The following PCDH9 variants were observed in gnomAD, a reference collection of about 807,000 sequenced individuals.
PCDH9 encodes protocadherin 9.
A neutral mutation model predicts 70.6 loss-of-function variants in PCDH9; 24 were observed. The ratio of observed to expected loss-of-function variants is 0.34; its 90% CI spans 0.25 to 0.48. The LOEUF (loss-of-function observed/expected upper bound fraction) is 0.48, where lower values mean the gene tolerates loss of function less well. Ranked by LOEUF, PCDH9 falls within the 20% of genes least tolerant of loss-of-function variation. PCDH9 has a pLI of 0.99. For missense variants in PCDH9, 1,281 were observed against 1,503.6 expected (o/e 0.85, Z 2.45); for synonymous variants, 562 against 558.5 (o/e 1.01, Z -0.09).
chr13:66,657,023 G>GC, intron 3 of PCDH9, among the ~76,000 whole-genome samples: 1 of 152,284 alleles, frequency 6.6e-6, no homozygotes, highest in East Asian at 1.9e-4. Flanking sequence ...ACAGAAATGA[G>GC]CTTCCTCAGA....
intron 2 of PCDH9, among the ~76,000 whole-genome samples, chr13:67,189,591 A>C (rs190943463): frequency 6.6e-6 from 1 of 152,180 alleles, no homozygotes. Context: ...TGCCTGATAA[A>C]ATTTCTTTCT....
At chr13:66,872,660 A>G (rs954990632) in intron 3 of PCDH9, among the ~76,000 whole-genome samples, 14 of 152,048 alleles carry the variant, frequency 9.2e-5, no homozygotes, top group Admixed American at 3.9e-4. Context: ...AGTGAGAACA[A>G]TTGAATGCAA....
chr13:67,154,191 G>A (rs2087737931), intron 2 of PCDH9, among the ~76,000 whole-genome samples: 1 of 152,150 alleles, frequency 6.6e-6, no homozygotes, highest in Non-Finnish European at 1.5e-5. Flanking sequence ...GGTGGCTCAT[G>A]CCTGTAATCC....
chr13:66,901,178 C>A (rs554881592), intron 3 of PCDH9, among the ~76,000 whole-genome samples: 155 of 151,724 alleles, frequency 1.0e-3, no homozygotes, highest in African/African-American at 3.1e-3. Context: ...TAAGAAATTT[C>A]AGATATTGTC....
At chr13:66,969,604 C>T (rs569924303) in intron 2 of PCDH9, among the ~76,000 whole-genome samples, 1 of 152,120 alleles carries the variant, frequency 6.6e-6, no homozygotes, top group East Asian at 1.9e-4. Context: ...TTAAATACCT[C>T]TCTTACAAAC....
intron 4 of PCDH9, among the ~76,000 whole-genome samples, chr13:66,591,440 T>G (rs566806474): frequency 6.7e-6 from 1 of 148,688 alleles, no homozygotes; most frequent in African/African-American, 2.4e-5. Flanking sequence ...AAACCAAAAT[T>G]TACACATAGA....
chr13:66,520,762 TG>T (rs369446657), intron 4 of PCDH9, among the ~76,000 whole-genome samples: 47 of 152,284 alleles, frequency 3.1e-4, no homozygotes, highest in African/African-American at 1.1e-3. Context: ...AACCATATGA[TG>T]CTTTGTGTTT....
chr13:66,445,109 T>C (rs1349536463), intron 4 of PCDH9, among the ~76,000 whole-genome samples: 1 of 147,346 alleles, frequency 6.8e-6, no homozygotes, highest in Non-Finnish European at 1.5e-5. Flanking sequence ...TAATGTATAT[T>C]ATATAATTTT....
At chr13:66,392,640 G>C (rs926291725) in intron 4 of PCDH9, among the ~76,000 whole-genome samples, 1 of 152,056 alleles carries the variant, frequency 6.6e-6, no homozygotes, top group African/African-American at 2.4e-5. Flanking sequence ...TCAATCAGTG[G>C]GTTAAATATA....
At chr13:66,991,266 A>G (rs2083996978) in intron 2 of PCDH9, among the ~76,000 whole-genome samples, 1 of 152,098 alleles carries the variant, frequency 6.6e-6, no homozygotes. Flanking sequence ...CTATAAATAG[A>G]GAAGAGTAGA....
intron 3 of PCDH9, among the ~76,000 whole-genome samples, chr13:66,655,314 G>T (rs2077913710): frequency 6.6e-6 from 1 of 151,960 alleles, no homozygotes; most frequent in Non-Finnish European, 1.5e-5. Context: ...ACAGAATAAG[G>T]ACTAGAAAGG....
At chr13:66,632,454 G>A (rs1196985557) in intron 3 of PCDH9, among the ~76,000 whole-genome samples, 1 of 152,132 alleles carries the variant, frequency 6.6e-6, no homozygotes, top group African/African-American at 2.4e-5. Flanking sequence ...GGCTACACTG[G>A]TAGTAGAATA....
chr13:67,001,194 T>C (rs1193439008), intron 2 of PCDH9, among the ~76,000 whole-genome samples: 2 of 152,152 alleles, frequency 1.3e-5, no homozygotes, highest in Non-Finnish European at 2.9e-5. Flanking sequence ...CATACATAAA[T>C]AAAAGTGGAG....
At chr13:66,420,902 G>A (rs1957554741) in intron 4 of PCDH9, among the ~76,000 whole-genome samples, 1 of 152,122 alleles carries the variant, frequency 6.6e-6, no homozygotes, top group Admixed American at 6.5e-5. Flanking sequence ...AAAGGAGCAT[G>A]TGCTAACCCA....
chr13:66,530,880 A>G (rs1960420909), intron 4 of PCDH9, among the ~76,000 whole-genome samples: 2 of 151,990 alleles, frequency 1.3e-5, no homozygotes, highest in Non-Finnish European at 2.9e-5. Flanking sequence ...AAGCATTTGC[A>G]TACCTTTGTG....
chr13:66,951,948 G>A (rs1459602744), intron 2 of PCDH9, among the ~76,000 whole-genome samples: 1 of 152,138 alleles, frequency 6.6e-6, no homozygotes, highest in Non-Finnish European at 1.5e-5. Flanking sequence ...CATGGGGGGT[G>A]TTGTAATTAT....
intron 3 of PCDH9, among the ~76,000 whole-genome samples, chr13:66,752,369 T>C (rs2079473672): frequency 6.6e-6 from 1 of 152,240 alleles, no homozygotes; most frequent in African/African-American, 2.4e-5. Context: ...CAATCTTGGC[T>C]CGCTGCAGCC....
chr13:66,499,749 C>T (rs1440225729), intron 4 of PCDH9, among the ~76,000 whole-genome samples: 1 of 152,132 alleles, frequency 6.6e-6, no homozygotes, highest in Non-Finnish European at 1.5e-5. Flanking sequence ...AATGTAATCC[C>T]CAGTGCTGCA....
At chr13:66,797,958 GGGGTGTGTGTGTGT>G (rs2080270531) in intron 3 of PCDH9, among the ~76,000 whole-genome samples, 1 of 124,320 alleles carries the variant, frequency 8.0e-6, no homozygotes, top group Non-Finnish European at 1.5e-5. Flanking sequence ...TGTTTCTTGG[GGGGTGTGTGTGTGT>G]GTGTGTGTGT....
Sources: gnomAD v4.1 joint callset for allele counts (sites outside exome capture counted in the v4.1 genomes callset) on GRCh38, gnomAD v4.1.1 for gene constraint, MANE v1.5 for transcripts, NCBI Gene and HGNC (gene_info 2026-07-23, HGNC 2026-07-21) for gene names.